EVI5: variants seen among roughly 807,000 people sequenced by gnomAD.
The protein encoded by EVI5 is ecotropic viral integration site 5 protein homolog.
A neutral mutation model predicts 112.0 loss-of-function variants in EVI5; 73 were observed. The observed-to-expected ratio is 0.65, with a 90% confidence interval of 0.54 to 0.79. The LOEUF is 0.79. Ranked by LOEUF, EVI5 falls within the 30% of genes least tolerant of loss-of-function variation. The pLI, the probability that EVI5 is intolerant of heterozygous loss-of-function variation, is 0.00. For synonymous variants in EVI5, 305 were observed against 319.9 expected (o/e 0.95, Z 0.50); for missense variants, 900 against 968.8 (o/e 0.93, Z 0.94).
intron 1 of EVI5, among the ~76,000 whole-genome samples, chr1:92,766,970 G>A (rs902279003): frequency 2.0e-5 from 3 of 150,900 alleles, no homozygotes; most frequent in Middle Eastern, 3.4e-3. Flanking sequence ...TAATCCCAGC[G>A]ACTCGGGAGG....
intron 1 of EVI5, among the ~76,000 whole-genome samples, chr1:92,748,826 G>A (rs930191755): frequency 7.2e-5 from 11 of 152,184 alleles, no homozygotes; most frequent in Admixed American, 7.2e-4. Flanking sequence ...CAGCACTCTG[G>A]GAGGCCGATG....
chr1:92,611,434 C>A (rs1160115792), intron 16 of EVI5, among the ~76,000 whole-genome samples: 2 of 151,594 alleles, frequency 1.3e-5, no homozygotes, highest in African/African-American at 4.8e-5. Context: ...CGTGGTGGCT[C>A]ACACCTGTAA....
At chr1:92,521,786 C>T (rs919874108) in intron 19 of EVI5, among the ~76,000 whole-genome samples, 4 of 151,564 alleles carry the variant, frequency 2.6e-5, no homozygotes, top group Admixed American at 2.6e-4. Flanking sequence ...TTTTTGAGGG[C>T]ATTTTAAAAG....
chr1:92,705,630 G>A (rs1337296141), intron 2 of EVI5, among the ~76,000 whole-genome samples: 1 of 152,154 alleles, frequency 6.6e-6, no homozygotes, highest in Admixed American at 6.5e-5. Flanking sequence ...CTCCTTATCT[G>A]TTGAAAGAAG....
chr1:92,791,123 G>A (rs1686063789), intron 1 of EVI5, among the ~76,000 whole-genome samples: 2 of 152,196 alleles, frequency 1.3e-5, no homozygotes, highest in African/African-American at 4.8e-5. Context: ...GACATCAATA[G>A]TGTGCCAGTT....
intron 10 of EVI5, among the ~76,000 whole-genome samples, chr1:92,675,960 A>G (rs1666676198): frequency 6.6e-6 from 1 of 151,628 alleles, no homozygotes; most frequent in Non-Finnish European, 1.5e-5. Context: ...CGTCTCAAAA[A>G]AAAAAAAAAA....
At chr1:92,745,716 G>C (rs1206851780) in intron 1 of EVI5, among the ~76,000 whole-genome samples, 2 of 152,142 alleles carry the variant, frequency 1.3e-5, no homozygotes. Flanking sequence ...CCGAGGTGGA[G>C]GATCACTTGA....
At chr1:92,759,182 C>T (rs1467040994) in intron 1 of EVI5, among the ~76,000 whole-genome samples, 3 of 152,014 alleles carry the variant, frequency 2.0e-5, no homozygotes, top group Admixed American at 6.6e-5. Flanking sequence ...GAGATCATGC[C>T]GCTGTACTCC....
At chr1:92,783,324 G>A (rs750163494) in intron 1 of EVI5, among the ~76,000 whole-genome samples, 46 of 148,836 alleles carry the variant, frequency 3.1e-4, no homozygotes, top group Non-Finnish European at 5.6e-4. Context: ...TCAGGAGTTC[G>A]AGACCAGCCT....
At position 92,510,457 on chromosome 1, in the gene EVI5, T is replaced by C. The variant is rs1659121456; in HGVS notation, c.*3199A>G. 6.6e-6 allele frequency: 1 copy of C among 152,226 alleles called. No individual in the cohort carries two copies. The highest frequency in any genetic ancestry group is 1.9e-4 in the East Asian group (1 of 5,204). 9.4% of individuals were successfully genotyped at this position (152,226 alleles called of 1,614,324 possible). ...GCATGTTTTCCCTTTTGAATAGTTC[T>C]GATTATAATATCCACCATGAAATTT... On this transcript the variant is annotated 3_prime_UTR_variant, in exon 20 of 20. Transcript: ENST00000684568.
intron 14 of EVI5, among the ~76,000 whole-genome samples, chr1:92,630,541 T>G (rs1656795570): frequency 6.6e-6 from 1 of 152,194 alleles, no homozygotes; most frequent in South Asian, 2.1e-4. Context: ...TAAATTTGTT[T>G]GAGTTCATTG....
intron 19 of EVI5, among the ~76,000 whole-genome samples, chr1:92,517,743 A>G (rs1660150822): frequency 6.6e-6 from 1 of 152,180 alleles, no homozygotes; most frequent in South Asian, 2.1e-4. Flanking sequence ...ACTCTGATGC[A>G]CATCTCAGAA....
At chr1:92,693,082 C>G (rs1304543592) in intron 9 of EVI5, among the ~76,000 whole-genome samples, 1 of 152,120 alleles carries the variant, frequency 6.6e-6, no homozygotes, top group Non-Finnish European at 1.5e-5. Context: ...CCAGGTGCAG[C>G]GGCTCACACC....
chr1:92,699,039 C>A (rs1387387097), intron 5 of EVI5, among the ~76,000 whole-genome samples: 1 of 152,260 alleles, frequency 6.6e-6, no homozygotes, highest in South Asian at 2.1e-4. Flanking sequence ...AGAGAACATC[C>A]CAAAGGATCT....
chr1:92,717,748 G>C (rs1051691038), intron 2 of EVI5, among the ~76,000 whole-genome samples: 6 of 151,908 alleles, frequency 3.9e-5, no homozygotes, highest in African/African-American at 7.3e-5. Context: ...ACACAGACTG[G>C]CAAATTAGAT....
chr1:92,567,760 A>AT (rs1310850173), intron 18 of EVI5, among the ~76,000 whole-genome samples: 3 of 152,238 alleles, frequency 2.0e-5, no homozygotes, highest in African/African-American at 7.2e-5. Flanking sequence ...ACACATACTA[A>AT]TATCAGATAC....
chr1:92,624,449 T>C, intron 15 of EVI5, 115 bp from the exon 16 acceptor site: 1 of 785,488 alleles, frequency 1.3e-6, no homozygotes, highest in Non-Finnish European at 2.1e-6. Flanking sequence ...ACACATTATT[T>C]TATTTAATCC....
chr1:92,633,848 C>T (rs879079092), intron 14 of EVI5, among the ~76,000 whole-genome samples: 1 of 152,120 alleles, frequency 6.6e-6, no homozygotes. Context: ...TTAGTGCTTC[C>T]TTCAGGAGCT....
At chr1:92,643,481 G>C (rs1194132241) in intron 13 of EVI5, among the ~76,000 whole-genome samples, 1 of 151,862 alleles carries the variant, frequency 6.6e-6, no homozygotes, top group East Asian at 1.9e-4. Context: ...GGGTCCTGCT[G>C]TGTCGCTGGT....
Sources: gnomAD v4.1 joint callset for allele counts (sites outside exome capture counted in the v4.1 genomes callset) on GRCh38, gnomAD v4.1.1 for gene constraint, MANE v1.5 for transcripts, NCBI Gene and HGNC (gene_info 2026-07-23, HGNC 2026-07-21) for gene names.